CDIN1: variants seen among roughly 807,000 people sequenced by gnomAD.
CDIN1 encodes the protein CDAN1 interacting nuclease 1.
CDIN1 carries 33 observed loss-of-function variants against 45.3 expected under a neutral mutation model. That is an observed-to-expected ratio of 0.73 (90% CI 0.55 to 0.97). The LOEUF is 0.97. Ranked by LOEUF, CDIN1 falls within the 50% of genes least tolerant of loss-of-function variation. The pLI, the probability that CDIN1 is intolerant of heterozygous loss-of-function variation, is 0.00. For missense variants in CDIN1, 303 were observed against 339.4 expected, an observed-to-expected ratio of 0.89 and a Z score of 0.84; for synonymous variants, 118 against 124.4, an observed-to-expected ratio of 0.95 and a Z score of 0.34.
intron 7 of CDIN1, among the ~76,000 whole-genome samples, chr15:36,694,660 A>G (rs367847077): frequency 1.8e-4 from 28 of 152,290 alleles, no homozygotes; most frequent in African/African-American, 5.5e-4. Flanking sequence ...TCACCAAGGA[A>G]AAAATGTGAG....
intron 8 of CDIN1, among the ~76,000 whole-genome samples, chr15:36,701,169 GA>G (rs2042630057): frequency 1.4e-5 from 2 of 142,044 alleles, no homozygotes; most frequent in Non-Finnish European, 3.1e-5. Context: ...TAGATAGATA[GA>G]TAGATATGAG....
chr15:36,797,799 G>A (rs1383218116), intron 10 of CDIN1, among the ~76,000 whole-genome samples: 1 of 151,948 alleles, frequency 6.6e-6, no homozygotes, highest in African/African-American at 2.4e-5. Context: ...TGCCAACATG[G>A]TGAAACCCCG....
chr15:36,647,268 T>G (rs1275990215), intron 3 of CDIN1, among the ~76,000 whole-genome samples: 1 of 151,968 alleles, frequency 6.6e-6, no homozygotes, highest in East Asian at 1.9e-4. Context: ...TCAAGTAATC[T>G]CCCACCTCAG....
chr15:36,804,682 T>TTTTTTTG (rs2055167975), intron 10 of CDIN1: 1 of 132,320 alleles, frequency 7.6e-6, no homozygotes, highest in South Asian at 2.7e-4. Flanking sequence ...CACTTTTTTT[T>TTTTTTTG]TTTTTTTTTT....
intron 1 of CDIN1, among the ~76,000 whole-genome samples, chr15:36,598,430 C>T (rs144356787): frequency 0.011 from 1,706 of 152,232 alleles, 36 homozygotes; most frequent in Non-Finnish European, 1.0e-2. Context: ...AGTTTTTAAT[C>T]GTTCTCCCAG....
intron 10 of CDIN1, among the ~76,000 whole-genome samples, chr15:36,790,630 T>C (rs1421287648): frequency 6.6e-6 from 1 of 152,214 alleles, no homozygotes; most frequent in Non-Finnish European, 1.5e-5. Flanking sequence ...AAATATCACA[T>C]GTACCCCATA....
At position 36,620,279 on chromosome 15, in the gene CDIN1, G is replaced by A. The variant is rs560204121; in HGVS notation, c.102-23999G>A. ...GGCAGGAGAATGGCGTGACACCGGG[G>A]GGCGGAGCTTGCAGTGAGCCGAGAT... On this transcript the variant is annotated intron_variant, in intron 1 of 10. Transcript: ENST00000566621. Among the ~76,000 whole-genome samples the A allele has an allele frequency of 4.3e-4, 65 of 152,080 alleles. 1 individual carries two copies. Among genetic ancestry groups the A allele is most frequent in the African/African-American group, 1.4e-3 (58 of 41,488 alleles).
At chr15:36,586,384 C>G (rs1174804771) in intron 1 of CDIN1, among the ~76,000 whole-genome samples, 1 of 152,106 alleles carries the variant, frequency 6.6e-6, no homozygotes, top group Non-Finnish European at 1.5e-5. Flanking sequence ...AATAGTGATT[C>G]TCTATTTCTC....
At chr15:36,790,359 G>A (rs1021414230) in intron 10 of CDIN1, 1 of 152,150 alleles carries the variant, frequency 6.6e-6, no homozygotes, top group African/African-American at 2.4e-5. Context: ...AACCTAAAAG[G>A]TAAGGAAGGT....
intron 5 of CDIN1, among the ~76,000 whole-genome samples, chr15:36,662,669 A>G (rs1343587804): frequency 1.3e-4 from 20 of 152,078 alleles, no homozygotes; most frequent in Admixed American, 1.3e-3. Flanking sequence ...TCCTCTGCAG[A>G]TTGTCAAGAG....
chr15:36,669,665 G>A (rs2041375149), intron 5 of CDIN1, among the ~76,000 whole-genome samples: 2 of 152,002 alleles, frequency 1.3e-5, no homozygotes, highest in Admixed American at 6.6e-5. Flanking sequence ...ACATTTAGCT[G>A]TCTTGTTTCC....
chr15:36,682,734 C>T (rs936370951), intron 5 of CDIN1, among the ~76,000 whole-genome samples: 7 of 138,548 alleles, frequency 5.1e-5, no homozygotes, highest in African/African-American at 1.9e-4. Context: ...CACACCACTG[C>T]ACTCCATCCT....
chr15:36,677,808 C>A (rs75496805), intron 5 of CDIN1, among the ~76,000 whole-genome samples: 2 of 152,190 alleles, frequency 1.3e-5, no homozygotes, highest in African/African-American at 2.4e-5. Context: ...AAAAAAAATT[C>A]CAGATTTGGA....
intron 5 of CDIN1, among the ~76,000 whole-genome samples, chr15:36,687,771 A>C (rs929657317): frequency 6.6e-6 from 1 of 152,206 alleles, no homozygotes; most frequent in Non-Finnish European, 1.5e-5. Flanking sequence ...CCTACTAGAC[A>C]TATCTGAACC....
At chr15:36,652,595 T>C (rs1303308133) in intron 3 of CDIN1, among the ~76,000 whole-genome samples, 1 of 152,146 alleles carries the variant, frequency 6.6e-6, no homozygotes, top group Admixed American at 6.5e-5. Flanking sequence ...CCTTGTTTTA[T>C]TTATTTATTT....
At chr15:36,649,816 T>TC (rs2140432098) in intron 3 of CDIN1, among the ~76,000 whole-genome samples, 1 of 152,294 alleles carries the variant, frequency 6.6e-6, no homozygotes, top group South Asian at 2.1e-4. Flanking sequence ...TGTTAGCACT[T>TC]CTCTTGCTGC....
chr15:36,719,378 T>C (rs79279430), intron 10 of CDIN1, among the ~76,000 whole-genome samples: 1,578 of 152,318 alleles, frequency 0.01, 26 homozygotes, highest in African/African-American at 0.036. Context: ...TCTATTACGA[T>C]GATCATATAA....
chr15:36,614,015 A>G, intron 1 of CDIN1: 1 of 1,327,542 alleles, frequency 7.5e-7, no homozygotes, highest in Non-Finnish European at 1.1e-6. Context: ...TCTCAAAAAG[A>G]AGACAAATAT....
At chr15:36,666,048 C>A (rs928282736) in intron 5 of CDIN1, among the ~76,000 whole-genome samples, 9 of 151,920 alleles carry the variant, frequency 5.9e-5, no homozygotes, top group African/African-American at 2.2e-4. Context: ...AATAGAGGTA[C>A]TTTTTGTTTA....
Sources: gnomAD v4.1 joint callset for allele counts (sites outside exome capture counted in the v4.1 genomes callset) on GRCh38, gnomAD v4.1.1 for gene constraint, MANE v1.5 for transcripts, NCBI Gene and HGNC (gene_info 2026-07-23, HGNC 2026-07-21) for gene names.